The following DHX8 variants were observed in gnomAD, a reference collection of about 807,000 sequenced individuals.
DHX8 encodes the protein DEAH-box helicase 8.
A neutral mutation model predicts 140.7 loss-of-function variants in DHX8; 67 were observed. The ratio of observed to expected loss-of-function variants is 0.48; its 90% CI spans 0.39 to 0.58. DHX8 has a LOEUF of 0.58. Among genes scored for constraint, DHX8 ranks in the 20% least tolerant of loss-of-function variants. DHX8 has a pLI of 0.00. For synonymous variants in DHX8, 533 were observed against 553.2 expected, an observed-to-expected ratio of 0.96 and a Z score of 0.51; for missense variants, 887 against 1,550.7, an observed-to-expected ratio of 0.57 and a Z score of 7.19.
chr17:43,534,108 G>A, intron 2 of DHX8: 1 of 1,098,862 alleles, frequency 9.1e-7, no homozygotes, highest in African/African-American at 1.7e-5. Context: ...TTCCCTCTCT[G>A]GGTATCAATT....
chr17:43,530,950 A>T (rs1219936826), downstream of DHX8, among the ~76,000 whole-genome samples: 1 of 152,066 alleles, frequency 6.6e-6, no homozygotes, highest in Non-Finnish European at 1.5e-5. Context: ...TCCATTCAGG[A>T]GTAGCTGGGG....
At chr17:43,528,696 G>A, downstream of DHX8, 1 of 1,614,136 alleles carries the variant, frequency 6.2e-7, no homozygotes. Context: ...AAGAGAAGAG[G>A]GCCTCGGGCT....
In DHX8 at chr17:43,525,561, G is replaced by A. The variant is rs1011885213; in HGVS notation, c.*1714G>A. 8.1e-6 allele frequency: 8 copies of A among 985,288 alleles called. No individual in the cohort carries two copies. Among genetic ancestry groups the A allele is most frequent in the Non-Finnish European group, 4.8e-6 (4 of 829,978 alleles). The allele number at this position is 985,288 out of a possible 1,614,324, so 61.0% of individuals were successfully genotyped here. On this transcript the variant is annotated 3_prime_UTR_variant, in exon 23 of 23. Coordinates refer to ENST00000262415, the MANE Select transcript of DHX8 (RefSeq NM_004941.3). Reference sequence around the variant, plus strand: ...GTGTGTTAACCTTGAAGGCCTTCTGGGGAGAGACAGTACAGGGACCTCAAA... The same window carrying A: ...GTGTGTTAACCTTGAAGGCCTTCTGAGGAGAGACAGTACAGGGACCTCAAA...
intron 1 of DHX8, among the ~76,000 whole-genome samples, chr17:43,486,116 A>G (rs1396298573): frequency 6.6e-6 from 1 of 151,960 alleles, no homozygotes; most frequent in African/African-American, 2.4e-5. Flanking sequence ...GCTTGAACTC[A>G]GGAGACGGAG....
chr17:43,523,171 C>A (rs969596191), intron 22 of DHX8, among the ~76,000 whole-genome samples: 4 of 151,802 alleles, frequency 2.6e-5, no homozygotes, highest in Admixed American at 2.6e-4. Flanking sequence ...TATCTAGAAC[C>A]CTAATATAAA....
chr17:43,499,204 T>C (rs909874876), intron 10 of DHX8, among the ~76,000 whole-genome samples: 1 of 152,218 alleles, frequency 6.6e-6, no homozygotes, highest in Admixed American at 6.5e-5. Flanking sequence ...ATAGGAATGC[T>C]TAATCTGCCA....
In DHX8 at chr17:43,492,776, G is replaced by A. The variant is rs139046867; in HGVS notation, c.599G>A (p.Arg200Gln). 2,122 of 1,614,116 alleles carry A rather than the reference G, an allele frequency of 1.3e-3. 2 individuals are homozygous for A. The highest frequency in any genetic ancestry group is 1.5e-3 in the Non-Finnish European group (1,714 of 1,179,992). Reference sequence around the variant, plus strand: ...CGAAACCGAGATAGAGACCACAAGCGGAGACACCGATCCCGCTCTCGATCA... The same window carrying A: ...CGAAACCGAGATAGAGACCACAAGCAGAGACACCGATCCCGCTCTCGATCA... Reference protein sequence around the residue: ...RERNRDRDHKRRHRSRSRSRS... With the variant: ...RERNRDRDHKQRHRSRSRSRS... Residue 200 changes from arginine (R) to glutamine (Q), a missense_variant, in exon 6 of 23, where the codon CGG (arginine) becomes CAG (glutamine). By Grantham distance (43) the Arg-to-Gln change is conservative. Around this residue, in one of 9 missense-constraint regions of DHX8, gnomAD observed 304 missense variants for 306.9 expected, o/e 0.99. Coordinates refer to ENST00000262415, the MANE Select transcript of DHX8 (RefSeq NM_004941.3).
rs1969946926 is a variant in DHX8, at chr17:43,513,347, C to G, written c.2503-15C>G. The G allele has an allele frequency of 6.2e-7, 1 of 1,610,824 alleles. No individual in the cohort carries two copies. The highest frequency in any genetic ancestry group is 1.7e-5 in the Admixed American group (1 of 59,646). Reference sequence around the variant, plus strand: ...CCTGGGCACCTCACTCCAGCTTTGCCCCTCTTGCCTGCAGGTTGTGATTGC... The same window carrying G: ...CCTGGGCACCTCACTCCAGCTTTGCGCCTCTTGCCTGCAGGTTGTGATTGC... On this transcript the variant is annotated splice_polypyrimidine_tract_variant and intron_variant, in intron 16 of 22. Coordinates refer to ENST00000262415, the MANE Select transcript of DHX8 (RefSeq NM_004941.3).
In DHX8 at chr17:43,524,487, C is replaced by G; in HGVS notation, c.*640C>G. 2.0e-6 allele frequency: 2 copies of G among 987,602 alleles called. No homozygotes were observed. The highest frequency in any genetic ancestry group is 2.4e-6 in the Non-Finnish European group (2 of 831,574). 61.2% of individuals were successfully genotyped at this position (987,602 alleles called of 1,614,324 possible). ...TTGCGCTCGGAAACGACGTACAACCCAGACTTCCAGCCTTGTCTTTCAGCA... is the reference window on the plus strand; with the variant it reads ...TTGCGCTCGGAAACGACGTACAACCGAGACTTCCAGCCTTGTCTTTCAGCA... On this transcript the variant is annotated 3_prime_UTR_variant, in exon 23 of 23. Transcript: ENST00000262415.
chr17:43,526,437 G>A (rs1253314939), downstream of DHX8: 13 of 1,532,000 alleles, frequency 8.5e-6, no homozygotes, highest in Admixed American at 3.9e-5. Flanking sequence ...CAGGCTCCTC[G>A]GTCCAGGTTT....
chr17:43,544,754 A>G (rs764027677), downstream of DHX8: 37 of 505,660 alleles, frequency 7.3e-5, no homozygotes, highest in Non-Finnish European at 1.3e-4. Flanking sequence ...GCCTAGTTAC[A>G]CAAGCCTGGC....
downstream of DHX8, among the ~76,000 whole-genome samples, chr17:43,531,391 C>A (rs943830657): frequency 3.3e-5 from 5 of 152,152 alleles, no homozygotes; most frequent in Non-Finnish European, 5.9e-5. Flanking sequence ...CAGTCAACAG[C>A]CAGGTGGAAC....
At chr17:43,505,577 TTGTG>T (rs1486986675) in intron 12 of DHX8, among the ~76,000 whole-genome samples, 1 of 151,906 alleles carries the variant, frequency 6.6e-6, no homozygotes, top group Non-Finnish European at 1.5e-5. Context: ...TCACAAATGT[TTGTG>T]TGTGCGTGTA....
At chr17:43,528,228 G>A (rs1970683142), downstream of DHX8, 1 of 343,368 alleles carries the variant, frequency 2.9e-6, no homozygotes, top group East Asian at 4.4e-5. Flanking sequence ...CTGTGGTTGG[G>A]GAAAAGGTGT....
rs191245218 is a variant in DHX8, at chr17:43,535,388, A to G, written c.351-1024A>G. ...CGCCTCCCAGGTTCAAGCGATTCTC[A>G]TGCCTCAGCCTCCTGAGTAGCTGGG... is the stretch of plus-strand genomic sequence containing the variant. On this transcript the variant is annotated intron_variant, in intron 2 of 3. Transcript: ENST00000589898. Among the ~76,000 whole-genome samples, 59 of 152,132 alleles carry G rather than the reference A, an allele frequency of 3.9e-4. No individual in the cohort carries two copies. In the Middle Eastern group the frequency reaches 0.01, roughly 26 times the overall value.
downstream of DHX8, among the ~76,000 whole-genome samples, chr17:43,531,036 C>G (rs1970904389): frequency 6.6e-6 from 1 of 152,154 alleles, no homozygotes; most frequent in Non-Finnish European, 1.5e-5. Flanking sequence ...GGCAAGAGTG[C>G]CTCCCTCCTC....
intron 12 of DHX8, among the ~76,000 whole-genome samples, chr17:43,506,475 C>T (rs549315140): frequency 7.2e-5 from 11 of 151,900 alleles, no homozygotes; most frequent in East Asian, 5.9e-4. Context: ...AAAAATTAGC[C>T]GGGCGTGCTG....
At chr17:43,510,189 C>T (rs1276218662) in intron 16 of DHX8, among the ~76,000 whole-genome samples, 1 of 152,098 alleles carries the variant, frequency 6.6e-6, no homozygotes, top group Non-Finnish European at 1.5e-5. Flanking sequence ...GCTGTGATTA[C>T]AGGCATGTGC....
intron 2 of DHX8, chr17:43,532,900 G>A (rs1282426167): frequency 6.3e-7 from 1 of 1,596,190 alleles, no homozygotes; most frequent in South Asian, 1.1e-5. Flanking sequence ...CCTGAGATGT[G>A]AAGGAGTGGC....
Sources: allele counts gnomAD v4.1 joint callset (sites outside exome capture counted in the v4.1 genomes callset), GRCh38; gene constraint gnomAD v4.1.1; regional missense constraint gnomAD v4.1.1; transcripts MANE v1.5; gene names NCBI Gene and HGNC (gene_info 2026-07-23, HGNC 2026-07-21).